The following CSNK2A2IP variants were observed in gnomAD, a reference collection of about 807,000 sequenced individuals.
CSNK2A2IP encodes the protein casein kinase 2 subunit alpha' interacting protein, also known as casein kinase II subunit alpha'-interacting protein.
At chr3:88,448,982 G>A in the CSNK2A2IP span, among the ~76,000 whole-genome samples, 1 of 152,042 alleles carries the variant, frequency 6.6e-6, no homozygotes, top group Non-Finnish European at 1.5e-5. Flanking sequence ...TCATTGACAA[G>A]CTATATACTT....
At chr3:88,461,599 A>C in the CSNK2A2IP span, among the ~76,000 whole-genome samples, 1 of 152,064 alleles carries the variant, frequency 6.6e-6, no homozygotes, top group Non-Finnish European at 1.5e-5. Flanking sequence ...AAAGCTAAGA[A>C]ATTTTCCAAA....
chr3:88,388,322 C>T, the CSNK2A2IP span, among the ~76,000 whole-genome samples: 1 of 152,062 alleles, frequency 6.6e-6, no homozygotes. Context: ...TGGTGCTAGG[C>T]CAATTATGTT....
chr3:88,417,109 T>A, the CSNK2A2IP span, among the ~76,000 whole-genome samples: 9 of 152,206 alleles, frequency 5.9e-5, no homozygotes, highest in Admixed American at 5.2e-4. Flanking sequence ...ATGAATTTTT[T>A]TTTTTTACTA....
the CSNK2A2IP span, among the ~76,000 whole-genome samples, chr3:88,444,293 C>T: frequency 1.3e-5 from 2 of 152,064 alleles, no homozygotes; most frequent in African/African-American, 2.4e-5. Context: ...AATTGAAGAC[C>T]TCTTAAAAGA....
the CSNK2A2IP span, among the ~76,000 whole-genome samples, chr3:88,458,996 A>G: frequency 6.6e-6 from 1 of 152,146 alleles, no homozygotes; most frequent in South Asian, 2.1e-4. Flanking sequence ...AAGTTAGTTG[A>G]TGGCATTTTT....
the CSNK2A2IP span, among the ~76,000 whole-genome samples, chr3:88,368,951 A>G: frequency 6.6e-6 from 1 of 152,060 alleles, no homozygotes; most frequent in African/African-American, 2.4e-5. Context: ...CCAAATGATC[A>G]ATCCTGAAAT....
At chr3:88,403,120 G>A in the CSNK2A2IP span, among the ~76,000 whole-genome samples, 1 of 151,864 alleles carries the variant, frequency 6.6e-6, no homozygotes, top group East Asian at 1.9e-4. Flanking sequence ...TTTCACTTCA[G>A]ACAATTTACC....
the CSNK2A2IP span, among the ~76,000 whole-genome samples, chr3:88,407,848 C>T: frequency 6.6e-6 from 1 of 151,874 alleles, no homozygotes; most frequent in African/African-American, 2.4e-5. Context: ...CTCAGCCTCC[C>T]GAGTAGCTGG....
At chr3:88,443,751 G>A in the CSNK2A2IP span, among the ~76,000 whole-genome samples, 3 of 152,074 alleles carry the variant, frequency 2.0e-5, no homozygotes, top group Non-Finnish European at 2.9e-5. Context: ...TACTGAAAAC[G>A]GTTGTTGCAG....
At chr3:88,358,375 T>C in the CSNK2A2IP span, among the ~76,000 whole-genome samples, 1 of 152,212 alleles carries the variant, frequency 6.6e-6, no homozygotes, top group South Asian at 2.1e-4. Context: ...CTATAGTGAA[T>C]GAAAGTAATG....
the CSNK2A2IP span, among the ~76,000 whole-genome samples, chr3:88,442,748 T>C: frequency 6.6e-6 from 1 of 151,792 alleles, no homozygotes; most frequent in African/African-American, 2.4e-5. Context: ...AATTTTGGTC[T>C]AGCTAATCTA....
chr3:88,373,261 G>T, the CSNK2A2IP span, among the ~76,000 whole-genome samples: 1 of 151,288 alleles, frequency 6.6e-6, no homozygotes, highest in Admixed American at 6.6e-5. Flanking sequence ...CATTCAAAAG[G>T]ATTGAACTTA....
chr3:88,355,319 A>G, the CSNK2A2IP span, among the ~76,000 whole-genome samples: 2 of 151,942 alleles, frequency 1.3e-5, no homozygotes, highest in Non-Finnish European at 2.9e-5. Context: ...TTGTTTTGAA[A>G]TGGGAGAGAC....
At chr3:88,341,055 A>C in the CSNK2A2IP span, among the ~76,000 whole-genome samples, 10 of 152,114 alleles carry the variant, frequency 6.6e-5, no homozygotes, top group African/African-American at 2.4e-4. Flanking sequence ...TTTCAAATTT[A>C]TGCAAATGCA....
chr3:88,394,088 G>A, the CSNK2A2IP span, among the ~76,000 whole-genome samples: 3 of 152,142 alleles, frequency 2.0e-5, no homozygotes, highest in Non-Finnish European at 4.4e-5. Flanking sequence ...TACATTTAAA[G>A]TTAGAAGGTG....
At chr3:88,413,516 T>C in the CSNK2A2IP span, among the ~76,000 whole-genome samples, 3 of 152,000 alleles carry the variant, frequency 2.0e-5, no homozygotes, top group African/African-American at 7.3e-5. Context: ...ATATTTTCCT[T>C]CTTGGGAGAT....
At chr3:88,453,924 G>C in the CSNK2A2IP span, among the ~76,000 whole-genome samples, 1 of 151,994 alleles carries the variant, frequency 6.6e-6, no homozygotes, top group Admixed American at 6.6e-5. Flanking sequence ...CTTTATATGA[G>C]CATATGCTTT....
chr3:88,431,893 C>G, the CSNK2A2IP span, among the ~76,000 whole-genome samples: 1 of 152,004 alleles, frequency 6.6e-6, no homozygotes, highest in Admixed American at 6.5e-5. Context: ...AGAAGAGGTC[C>G]TATTGATAGT....
At chr3:88,448,311 A>G in the CSNK2A2IP span, among the ~76,000 whole-genome samples, 2 of 152,194 alleles carry the variant, frequency 1.3e-5, no homozygotes, top group African/African-American at 2.4e-5. Flanking sequence ...TAGAATGTCT[A>G]TGTCAATGTC....
Sources: gnomAD v4.1 joint callset for allele counts (sites outside exome capture counted in the v4.1 genomes callset) on GRCh38, gnomAD v4.1.1 for gene constraint, MANE v1.5 for transcripts, NCBI Gene and HGNC (gene_info 2026-07-23, HGNC 2026-07-21) for gene names.